GNB4: variants seen among roughly 807,000 people sequenced by gnomAD.
The protein encoded by GNB4 is G protein subunit beta 4, also known as guanine nucleotide-binding protein subunit beta-4.
Under a neutral mutation model 45.2 loss-of-function variants are expected in GNB4, and 28 were observed. The ratio of observed to expected loss-of-function variants is 0.62; its 90% confidence interval spans 0.46 to 0.85. GNB4 has a LOEUF of 0.85. Ranked by LOEUF, GNB4 falls within the 40% of genes least tolerant of loss-of-function variation. The pLI is 0.00. For synonymous variants in GNB4, 132 were observed against 143.7 expected, an observed-to-expected ratio of 0.92 and a Z score of 0.58; for missense variants, 321 against 425.4, an observed-to-expected ratio of 0.75 and a Z score of 2.16.
chr3:179,443,152 C>G (rs555788296), intron 1 of GNB4, among the ~76,000 whole-genome samples: 3 of 152,336 alleles, frequency 2.0e-5, no homozygotes, highest in African/African-American at 7.2e-5. Flanking sequence ...TATTTGCTAA[C>G]TCCGCTTCAT....
the GNB4 span, among the ~76,000 whole-genome samples, chr3:179,500,735 T>C: frequency 4.3e-4 from 65 of 152,374 alleles, 2 homozygotes; most frequent in Admixed American, 3.3e-4. Context: ...TTTTTCCATT[T>C]GTTTGTGTCC....
At chr3:179,465,825 T>TC in the GNB4 span, among the ~76,000 whole-genome samples, 33 of 105,736 alleles carry the variant, frequency 3.1e-4, 1 homozygote, top group Non-Finnish European at 4.6e-4. Flanking sequence ...TTCTTCTTCT[T>TC]TTTTTTTTTT....
At chr3:179,521,574 C>T in the GNB4 span, among the ~76,000 whole-genome samples, 6 of 152,198 alleles carry the variant, frequency 3.9e-5, no homozygotes, top group African/African-American at 7.2e-5. Flanking sequence ...CTCATAAATG[C>T]CCTGCTCTTG....
the GNB4 span, among the ~76,000 whole-genome samples, chr3:179,522,457 T>C: frequency 5.4e-3 from 823 of 152,314 alleles, 13 homozygotes; most frequent in Admixed American, 0.032. Context: ...GCCTGTTTGG[T>C]GGTCTCTTCG....
chr3:179,475,027 T>C, the GNB4 span, among the ~76,000 whole-genome samples: 1 of 151,962 alleles, frequency 6.6e-6, no homozygotes, highest in Admixed American at 6.6e-5. Context: ...AGCTGTGTCA[T>C]CCAATGGCAG....
the GNB4 span, among the ~76,000 whole-genome samples, chr3:179,489,046 A>ATATT: frequency 0.034 from 1,300 of 38,306 alleles, 203 homozygotes; most frequent in East Asian, 0.096. Flanking sequence ...ATATATATAT[A>ATATT]ATATATATGT....
chr3:179,523,170 C>T, the GNB4 span, among the ~76,000 whole-genome samples: 10 of 151,956 alleles, frequency 6.6e-5, no homozygotes, highest in African/African-American at 2.4e-4. Context: ...GGGAGATTAG[C>T]CGGACACTAT....
chr3:179,468,498 GA>G, the GNB4 span, among the ~76,000 whole-genome samples: 84,613 of 143,676 alleles, frequency 0.59, 24,263 homozygotes, highest in East Asian at 0.75. Context: ...TCTGTCTCAA[GA>G]AAAAAAAAAA....
intron 8 of GNB4, 67 bp from the exon 9 acceptor site, chr3:179,405,473 A>G: frequency 9.0e-7 from 1 of 1,116,422 alleles, no homozygotes; most frequent in Non-Finnish European, 1.3e-6. Context: ...CAATGTAATA[A>G]TAGACAAATC....
chr3:179,485,000 G>GTTTTTTTTTTT, the GNB4 span, among the ~76,000 whole-genome samples: 1 of 124,218 alleles, frequency 8.1e-6, no homozygotes. Flanking sequence ...AACTTTTTTC[G>GTTTTTTTTTTT]TTTTGTTTTT....
the GNB4 span, among the ~76,000 whole-genome samples, chr3:179,503,418 C>G: frequency 6.6e-6 from 1 of 152,092 alleles, no homozygotes; most frequent in Non-Finnish European, 1.5e-5. Context: ...ATTTGATCTA[C>G]TTTTTGGAAT....
At chr3:179,416,932 A>G (rs979144775) in intron 4 of GNB4, among the ~76,000 whole-genome samples, 1 of 152,208 alleles carries the variant, frequency 6.6e-6, no homozygotes, top group Non-Finnish European at 1.5e-5. Context: ...CCAATCTAAA[A>G]ACACCAATTG....
At chr3:179,406,870 C>T in intron 8 of GNB4, among the ~76,000 whole-genome samples, 1 of 152,168 alleles carries the variant, frequency 6.6e-6, no homozygotes, top group Non-Finnish European at 1.5e-5. Flanking sequence ...CTGCCTCAGC[C>T]TCCCAAAGTA....
At chr3:179,440,880 T>TAGATAGAGAG (rs1553769655) in intron 1 of GNB4, among the ~76,000 whole-genome samples, 8 of 149,032 alleles carry the variant, frequency 5.4e-5, no homozygotes, top group African/African-American at 1.7e-4. Context: ...TATAGATAGA[T>TAGATAGAGAG]AGAGAGAGAG....
the GNB4 span, among the ~76,000 whole-genome samples, chr3:179,513,031 GCTTT>G: frequency 6.6e-6 from 1 of 151,742 alleles, no homozygotes; most frequent in Non-Finnish European, 1.5e-5. Flanking sequence ...CTCGGGGATG[GCTTT>G]CTAACTGGTG....
At chr3:179,477,834 C>G in the GNB4 span, among the ~76,000 whole-genome samples, 2 of 152,148 alleles carry the variant, frequency 1.3e-5, no homozygotes, top group African/African-American at 2.4e-5. Context: ...TTCTATCCTG[C>G]TCCTCTAAAT....
chr3:179,517,033 T>C, the GNB4 span, among the ~76,000 whole-genome samples: 3 of 152,116 alleles, frequency 2.0e-5, no homozygotes, highest in Admixed American at 6.6e-5. Context: ...CCTCTTTCAG[T>C]CCATATAACA....
intron 9 of GNB4, among the ~76,000 whole-genome samples, chr3:179,402,358 AT>A (rs1330343656): frequency 6.6e-6 from 1 of 152,322 alleles, no homozygotes; most frequent in South Asian, 2.1e-4. Flanking sequence ...TTATTTTGTT[AT>A]GGATACTAAT....
Position 179,425,344 on chromosome 3 carries a change from C to T in GNB4, c.57+800G>A, listed in dbSNP as rs183065543. 3.6e-4 allele frequency among the ~76,000 whole-genome samples: 55 copies of T among 152,292 alleles called. No homozygotes were observed. The South Asian group carries it at 3.9e-3, about 11-fold the overall frequency. On this transcript the variant is annotated intron_variant, in intron 2 of 9. Transcript: ENST00000232564. The stretch of plus-strand genomic sequence containing the variant: ...TTTGGCAACTCCTCTCCATCCATTA[C>T]GCTTTGAAGTTCTAGTGTCTGTTAA...
Sources: allele counts gnomAD v4.1 joint callset (sites outside exome capture counted in the v4.1 genomes callset), GRCh38; gene constraint gnomAD v4.1.1; transcripts MANE v1.5; gene names NCBI Gene and HGNC (gene_info 2026-07-23, HGNC 2026-07-21).